PLCG2: variants seen among roughly 807,000 people sequenced by gnomAD.
PLCG2 encodes the protein 1-phosphatidylinositol 4,5-bisphosphate phosphodiesterase gamma-2.
PLCG2 carries 69 observed loss-of-function variants against 175.6 expected under a neutral mutation model. That is an observed-to-expected ratio of 0.39 (90% CI 0.32 to 0.48). The LOEUF is 0.48. Among genes scored for constraint, PLCG2 ranks in the 20% least tolerant of loss-of-function variants. The pLI is 0.91. For missense variants in PLCG2, 1,798 were observed against 1,650.9 expected (o/e 1.09, Z -1.54); for synonymous variants, 827 against 624.0 (o/e 1.33, Z -4.85).
chr16:81,749,160 C>T (rs1192339370), intron 1 of PLCG2, among the ~76,000 whole-genome samples: 2 of 152,084 alleles, frequency 1.3e-5, no homozygotes, highest in Non-Finnish European at 2.9e-5. Flanking sequence ...TCTCACACTA[C>T]TGGTTGGGTG....
intron 9 of PLCG2, among the ~76,000 whole-genome samples, chr16:81,888,566 A>G (rs1251973752): frequency 6.6e-6 from 1 of 152,210 alleles, no homozygotes; most frequent in Admixed American, 6.5e-5. Context: ...AATGCTTCAT[A>G]CAGTGTACAT....
intron 5 of PLCG2, among the ~76,000 whole-genome samples, chr16:81,860,507 G>A (rs1335136103): frequency 6.6e-6 from 1 of 152,084 alleles, no homozygotes; most frequent in Non-Finnish European, 1.5e-5. Flanking sequence ...GGGCAAGAGG[G>A]CACCCTTTCC....
chr16:81,798,805 G>A (rs1210274303), intron 2 of PLCG2: 1 of 152,334 alleles, frequency 6.6e-6, no homozygotes, highest in African/African-American at 2.4e-5. Flanking sequence ...CTCAGAAGAG[G>A]TGGAGGAGGG....
At chr16:81,900,570 T>C (rs1177128438) in intron 13 of PLCG2, 42 bp from the exon 14 acceptor site, 2 of 1,539,658 alleles carry the variant, frequency 1.3e-6, no homozygotes, top group Non-Finnish European at 1.8e-6. Flanking sequence ...TGCAGAGGTG[T>C]GTGCTCCCCC....
In PLCG2 at chr16:81,826,151, C is replaced by T. The variant is rs1466721863; in HGVS notation, c.194-28293C>T. On this transcript the variant is annotated intron_variant, in intron 2 of 32. Coordinates refer to ENST00000564138, the MANE Select transcript of PLCG2 (RefSeq NM_002661.5). Reference sequence around the variant, plus strand: ...CCATTGTGGTAAGAGATACCACCATCCAGCCAGGTCCCCATGCCAGAAAGC... The same window carrying T: ...CCATTGTGGTAAGAGATACCACCATTCAGCCAGGTCCCCATGCCAGAAAGC... Among the ~76,000 whole-genome samples, 3 of 152,310 alleles carry T rather than the reference C, an allele frequency of 2.0e-5. No individual in the cohort carries two copies. In the South Asian group the frequency reaches 6.2e-4, roughly 32 times the overall value.
At position 81,960,437 on chromosome 16, in the gene PLCG2, T is replaced by C; in HGVS notation, c.*2439T>C. The C allele has an allele frequency of 4.4e-6, 1 of 227,630 alleles. No individual in the cohort carries two copies. Among genetic ancestry groups the C allele is most frequent in the Non-Finnish European group, 8.7e-6 (1 of 114,620 alleles). 14.1% of individuals were successfully genotyped at this position (227,630 alleles called of 1,614,324 possible). A position where few individuals can be genotyped will look rare whatever the true frequency, so the allele number is the denominator to read the frequency against. ...TGCATATGTATTACACTGTTTTTGT[T>C]CACCATTTTCCTAAGTGTGTTATTT... On this transcript the variant is annotated 3_prime_UTR_variant, in exon 33 of 33. Coordinates refer to ENST00000564138, the MANE Select transcript of PLCG2 (RefSeq NM_002661.5).
At chr16:81,861,733 G>C (rs990237384) in intron 5 of PLCG2, among the ~76,000 whole-genome samples, 2 of 152,220 alleles carry the variant, frequency 1.3e-5, no homozygotes, top group African/African-American at 2.4e-5. Flanking sequence ...GGCTGAGAGA[G>C]GGAGCCACCC....
chr16:81,865,739 G>C (rs1212148132), intron 5 of PLCG2, among the ~76,000 whole-genome samples: 1 of 150,024 alleles, frequency 6.7e-6, no homozygotes. Context: ...CCCAGGATGA[G>C]CTCCACTGGG....
rs754722806 is a variant in PLCG2 at position 81,937,833 on chromosome 16, TGAG to T, written c.3131_3133del (p.Arg1044del). The T allele has an allele frequency of 1.9e-6, 3 of 1,614,010 alleles. No homozygotes were observed. Among genetic ancestry groups the T allele is most frequent in the Non-Finnish European group, 2.5e-6 (3 of 1,179,900 alleles). ...GGCTACGTTCTGCAGCCTGAGAGCA[TGAG>T]GACAGAGAAATATGACCCGATGCCA... On this transcript the variant is annotated inframe_deletion, in exon 28 of 33. Transcript: ENST00000564138.
At chr16:81,835,855 C>T (rs559100586) in intron 2 of PLCG2, among the ~76,000 whole-genome samples, 1 of 151,998 alleles carries the variant, frequency 6.6e-6, no homozygotes, top group African/African-American at 2.4e-5. Context: ...CCTGGGTGTC[C>T]CTTGGCTGGT....
At chr16:81,878,166 A>G (rs955619115) in intron 7 of PLCG2, among the ~76,000 whole-genome samples, 2 of 151,150 alleles carry the variant, frequency 1.3e-5, no homozygotes, top group African/African-American at 4.9e-5. Context: ...GTATTTTTTT[A>G]GTAGAGATGG....
At chr16:81,943,860 G>A (rs1911050765) in intron 30 of PLCG2, among the ~76,000 whole-genome samples, 1 of 152,120 alleles carries the variant, frequency 6.6e-6, no homozygotes, top group Admixed American at 6.5e-5. Context: ...ACCAGGAAAT[G>A]AGTGGGTATA....
chr16:81,898,386 G>C (rs1908991402), intron 13 of PLCG2: 1 of 152,642 alleles, frequency 6.6e-6, no homozygotes, highest in African/African-American at 2.4e-5. Context: ...CAACTTACTA[G>C]GTAGCCTTTG....
chr16:81,909,250 A>G (rs1014427175), intron 17 of PLCG2, among the ~76,000 whole-genome samples: 2 of 152,212 alleles, frequency 1.3e-5, no homozygotes, highest in African/African-American at 4.8e-5. Flanking sequence ...GAGTGCAATG[A>G]AACAAGGCAA....
intron 13 of PLCG2, among the ~76,000 whole-genome samples, chr16:81,899,179 C>T (rs1046665355): frequency 6.6e-6 from 1 of 151,588 alleles, no homozygotes; most frequent in Non-Finnish European, 1.5e-5. Flanking sequence ...ATGAGTGAAA[C>T]TCCATTTCCA....
intron 31 of PLCG2, among the ~76,000 whole-genome samples, chr16:81,955,621 T>C (rs376353737): frequency 1.4e-3 from 216 of 152,322 alleles, no homozygotes; most frequent in African/African-American, 5.0e-3. Flanking sequence ...TCAGTGGCTG[T>C]TTTCCTCTTT....
chr16:81,951,544 G>C (rs758768919), intron 31 of PLCG2, among the ~76,000 whole-genome samples: 2 of 152,132 alleles, frequency 1.3e-5, no homozygotes, highest in African/African-American at 2.4e-5. Context: ...AAAGTAAGAA[G>C]AACAATGGAA....
At chr16:81,881,021 C>G (rs1048551059) in intron 8 of PLCG2, 68 bp downstream of exon 8, 6 of 1,495,118 alleles carry the variant, frequency 4.0e-6, no homozygotes, top group Non-Finnish European at 4.7e-6. Flanking sequence ...CCCAGCCGGC[C>G]TCCAGGAGGG....
chr16:81,788,374 G>C (rs759299972), intron 2 of PLCG2, among the ~76,000 whole-genome samples: 2 of 152,110 alleles, frequency 1.3e-5, no homozygotes, highest in African/African-American at 2.4e-5. Context: ...TCCGCCTCCC[G>C]GATTCATGCC....
Sources: allele counts gnomAD v4.1 joint callset (sites outside exome capture counted in the v4.1 genomes callset), GRCh38; gene constraint gnomAD v4.1.1; transcripts MANE v1.5; gene names NCBI Gene and HGNC (gene_info 2026-07-23, HGNC 2026-07-21).